Variants in SCLT1 observed in about 807,000 individuals in gnomAD.
The protein encoded by SCLT1 is sodium channel-associated protein 1.
SCLT1 carries 78 observed loss-of-function variants against 112.8 expected under a neutral mutation model. That is an observed-to-expected ratio of 0.69 (90% CI 0.58 to 0.83). SCLT1 has a LOEUF of 0.83. Ranked by LOEUF, SCLT1 falls within the 40% of genes least tolerant of loss-of-function variation. The pLI is 0.00. For missense variants in SCLT1, 747 were observed against 770.4 expected, an observed-to-expected ratio of 0.97 and a Z score of 0.36; for synonymous variants, 257 against 254.7, an observed-to-expected ratio of 1.01 and a Z score of -0.09.
At chr4:129,065,838 T>C (rs78949553) in intron 2 of SCLT1, among the ~76,000 whole-genome samples, 2,694 of 152,232 alleles carry the variant, frequency 0.018, 98 homozygotes, top group African/African-American at 0.062. Context: ...CAACAATTTA[T>C]TTTCTTTCCA....
intron 18 of SCLT1, among the ~76,000 whole-genome samples, chr4:128,902,912 G>T (rs1734431926): frequency 6.6e-6 from 1 of 151,870 alleles, no homozygotes. Flanking sequence ...GCCTACACAG[G>T]GTCAGGATTA....
chr4:129,031,462 G>A (rs1695456748), intron 5 of SCLT1, among the ~76,000 whole-genome samples: 1 of 151,974 alleles, frequency 6.6e-6, no homozygotes, highest in Admixed American at 6.6e-5. Context: ...CTCTGGCCAG[G>A]GCAATCAGGC....
At chr4:128,903,599 G>T (rs1017240164) in intron 18 of SCLT1, among the ~76,000 whole-genome samples, 2 of 151,958 alleles carry the variant, frequency 1.3e-5, no homozygotes, top group Non-Finnish European at 2.9e-5. Context: ...TTTCTCCAAA[G>T]AAATTGAAGT....
At chr4:128,998,634 A>C (rs936256433) in intron 7 of SCLT1, among the ~76,000 whole-genome samples, 1 of 151,900 alleles carries the variant, frequency 6.6e-6, no homozygotes, top group African/African-American at 2.4e-5. Context: ...GATTGACCTA[A>C]ATGAGGAAAC....
rs193114553 is a variant in SCLT1 at position 128,964,394 on chromosome 4, C to T, written c.869+833G>A. On this transcript the variant is annotated intron_variant, in intron 11 of 20. Transcript: ENST00000281142. ...GAGATAAGTGATGGGTAAAGGTATC[C>T]GAAGGGCCATTGCAAATTAGAATTC... Among the ~76,000 whole-genome samples the T allele has an allele frequency of 4.8e-3, 731 of 152,218 alleles. 6 individuals are homozygous for T. Among genetic ancestry groups the T allele is most frequent in the African/African-American group, 0.017 (694 of 41,522 alleles).
intron 5 of SCLT1, among the ~76,000 whole-genome samples, chr4:129,023,611 G>A (rs558036561): frequency 4.6e-5 from 7 of 152,312 alleles, no homozygotes; most frequent in African/African-American, 9.6e-5. Context: ...CGTGAGCAAC[G>A]CAGAAAACGG....
At chr4:129,015,568 T>A (rs1744919966) in intron 5 of SCLT1, among the ~76,000 whole-genome samples, 1 of 152,166 alleles carries the variant, frequency 6.6e-6, no homozygotes, top group South Asian at 2.1e-4. Flanking sequence ...AGGAAATGGC[T>A]GTCCCTGGCC....
chr4:128,987,258 A>G (rs1742179692), intron 9 of SCLT1, among the ~76,000 whole-genome samples: 1 of 152,200 alleles, frequency 6.6e-6, no homozygotes, highest in South Asian at 2.1e-4. Context: ...TGCAAAAATT[A>G]TAATACCTAA....
chr4:128,946,152 T>C lies in SCLT1; in HGVS notation c.1294A>G (p.Ile432Val). The C allele has an allele frequency of 1.9e-6, 3 of 1,600,126 alleles. No individual in the cohort carries two copies. The highest frequency in any genetic ancestry group is 2.6e-6 in the Non-Finnish European group (3 of 1,168,420). Residue 432 changes from isoleucine to valine, a missense_variant and splice_region_variant, in exon 16 of 21, where the codon ATT becomes GTT. Around this residue, in one of 2 missense-constraint regions of SCLT1, gnomAD observed 723 missense variants for 721.3 expected, o/e 1.00. Transcript: ENST00000281142. ...KKAVEEELEK[I>V]YREGRGNESD... ...TCATTTCCTCTGCCTTCACGGTAAA[T>C]CTGCAGAAAAGGCTTATTAGGTATA... is the stretch of plus-strand genomic sequence containing the variant.
chr4:128,886,362 T>C (rs570806414), intron 20 of SCLT1, among the ~76,000 whole-genome samples: 1 of 152,122 alleles, frequency 6.6e-6, no homozygotes, highest in African/African-American at 2.4e-5. Context: ...GTGTCAGAGA[T>C]GATAATAATT....
At chr4:128,914,167 C>T (rs1735301990) in intron 18 of SCLT1, among the ~76,000 whole-genome samples, 1 of 152,012 alleles carries the variant, frequency 6.6e-6, no homozygotes, top group Non-Finnish European at 1.5e-5. Flanking sequence ...AGATTGAGAC[C>T]ATCCTGGCTA....
rs1191212706 is a variant in SCLT1 at position 128,936,750 on chromosome 4, C to T, written c.1734G>A (p.Arg578=). 1 of 1,611,102 alleles carries T rather than the reference C, an allele frequency of 6.2e-7. No homozygotes were observed. Among genetic ancestry groups the T allele is most frequent in the South Asian group, 1.1e-5 (1 of 90,964 alleles). ...CCTTCTGTTGAGTCGCTAGGAGATG[C>T]CTCAGTTCAACAATGGAATTTCTAT... The part of the protein sequence containing the change: ...DSNRNSIVEL[R]HLLATQQKAA... Residue 578 remains arginine (R), a synonymous_variant, in exon 18 of 21, where the codon AGG becomes AGA. Coordinates refer to ENST00000281142, the MANE Select transcript of SCLT1 (RefSeq NM_144643.4).
intron 18 of SCLT1, among the ~76,000 whole-genome samples, chr4:128,891,927 G>A (rs1005781619): frequency 6.6e-6 from 1 of 152,158 alleles, no homozygotes; most frequent in African/African-American, 2.4e-5. Context: ...TTATAGGCAT[G>A]AGCCACTGTG....
At chr4:128,916,565 C>T (rs758532641) in intron 18 of SCLT1, among the ~76,000 whole-genome samples, 14 of 152,158 alleles carry the variant, frequency 9.2e-5, no homozygotes, top group Non-Finnish European at 1.9e-4. Context: ...GAAGTCTTTA[C>T]AGGACATCCT....
At chr4:128,908,380 T>TAAAAAAAA (rs11432450) in intron 18 of SCLT1, among the ~76,000 whole-genome samples, 1 of 137,738 alleles carries the variant, frequency 7.3e-6, no homozygotes, top group Non-Finnish European at 1.5e-5. Flanking sequence ...TCCTGTTAAT[T>TAAAAAAAA]AAAAAAAAAA....
chr4:129,009,355 T>A (rs1231571149), intron 5 of SCLT1, among the ~76,000 whole-genome samples: 3 of 150,678 alleles, frequency 2.0e-5, no homozygotes, highest in Non-Finnish European at 4.4e-5. Context: ...ACTAAATAAA[T>A]AAAAAAAAAT....
At chr4:129,040,741 C>T (rs1037503247) in intron 4 of SCLT1, among the ~76,000 whole-genome samples, 12 of 152,128 alleles carry the variant, frequency 7.9e-5, no homozygotes, top group Non-Finnish European at 1.6e-4. Context: ...TGCTACTTTT[C>T]CTGCTTTGGA....
chr4:129,022,790 G>A (rs547276882), intron 5 of SCLT1, among the ~76,000 whole-genome samples: 2 of 152,124 alleles, frequency 1.3e-5, no homozygotes, highest in Admixed American at 6.6e-5. Context: ...CAGGAAATGC[G>A]GAGAACACCA....
chr4:128,949,980 G>C (rs1182813838), intron 14 of SCLT1, among the ~76,000 whole-genome samples: 1 of 67,682 alleles, frequency 1.5e-5, no homozygotes, highest in Non-Finnish European at 2.6e-5. Context: ...TTTAAAGTAA[G>C]CTTCTTTTGT....
Sources: allele counts gnomAD v4.1 joint callset (sites outside exome capture counted in the v4.1 genomes callset), GRCh38; gene constraint gnomAD v4.1.1; regional missense constraint gnomAD v4.1.1; transcripts MANE v1.5; gene names NCBI Gene and HGNC (gene_info 2026-07-23, HGNC 2026-07-21).